Variants in SPP2 observed in about 807,000 individuals in gnomAD.
SPP2 encodes the protein secreted phosphoprotein 2.
SPP2 carries 34 observed loss-of-function variants against 28.8 expected under a neutral mutation model. The observed-to-expected ratio is 1.18, with a 90% CI of 0.90 to 1.57. The LOEUF is 1.57. Among genes scored for constraint, SPP2 ranks in the 40% most tolerant of loss-of-function variants. SPP2 has a pLI of 0.00. For missense variants in SPP2, 269 were observed against 263.9 expected, an observed-to-expected ratio of 1.02 and a Z score of -0.13; for synonymous variants, 96 against 89.4, an observed-to-expected ratio of 1.07 and a Z score of -0.42.
chr2:234,054,051 C>A (rs965588840), intron 2 of SPP2, among the ~76,000 whole-genome samples: 1 of 152,170 alleles, frequency 6.6e-6, no homozygotes, highest in Non-Finnish European at 1.5e-5. Context: ...TTGCCTGGGG[C>A]AGCAGTCAGA....
chr2:234,061,474 CAG>C (rs1328535072), intron 4 of SPP2, among the ~76,000 whole-genome samples: 2 of 152,126 alleles, frequency 1.3e-5, no homozygotes, highest in Non-Finnish European at 2.9e-5. Flanking sequence ...ATATTATTGA[CAG>C]ATATTTTTAA....
intron 4 of SPP2, among the ~76,000 whole-genome samples, chr2:234,063,579 T>G (rs1025970109): frequency 1.3e-5 from 2 of 152,254 alleles, no homozygotes; most frequent in African/African-American, 4.8e-5. Flanking sequence ...AGGTGAATTA[T>G]CGGTAGTTTT....
At chr2:234,072,350 C>A (rs1690808314) in intron 7 of SPP2, among the ~76,000 whole-genome samples, 1 of 151,996 alleles carries the variant, frequency 6.6e-6, no homozygotes, top group Non-Finnish European at 1.5e-5. Flanking sequence ...CATTATGAAG[C>A]AACAGATGCA....
chr2:234,072,048 A>ACACAGCC lies in SPP2; in HGVS notation c.*10+2028_*10+2034dup, dbSNP rs150660025. Among the ~76,000 whole-genome samples the ACACAGCC allele has an allele frequency of 7.4e-3, 1,135 of 152,354 alleles. 16 individuals carry two copies. The highest frequency in any genetic ancestry group is 0.026 in the African/African-American group (1,093 of 41,594). On this transcript the variant is annotated intron_variant, in intron 7 of 7. Transcript: ENST00000168148. ...CTGCCACTGTCCCGCAGTGCCCTGC[A>ACACAGCC]CACAGCCCAGCACACTCAATAAATA...
At chr2:234,068,565 T>C (rs1338665434) in intron 6 of SPP2, among the ~76,000 whole-genome samples, 1 of 152,302 alleles carries the variant, frequency 6.6e-6, no homozygotes, top group East Asian at 1.9e-4. Context: ...AACCTGATGC[T>C]TGATTTTTTT....
intron 4 of SPP2, among the ~76,000 whole-genome samples, chr2:234,062,892 G>C (rs1332850352): frequency 6.6e-6 from 1 of 152,148 alleles, no homozygotes; most frequent in East Asian, 1.9e-4. Context: ...CCAATTCCAA[G>C]TTTTCTAAGA....
rs138298714 is a variant in SPP2 at position 234,064,005 on chromosome 2, C to T, written c.445-2528C>T. 1.2e-3 allele frequency among the ~76,000 whole-genome samples: 188 copies of T among 152,246 alleles called. 1 individual carries two copies. Among genetic ancestry groups the T allele is most frequent in the African/African-American group, 4.3e-3 (178 of 41,546 alleles). On this transcript the variant is annotated intron_variant, in intron 4 of 7. Transcript: ENST00000168148. ...CAAAAAGAGGTAATTCCCTGGATCACATTCCCAGAAAGGAAGGAGAGAAGT... is the reference window on the plus strand; with the variant it reads ...CAAAAAGAGGTAATTCCCTGGATCATATTCCCAGAAAGGAAGGAGAGAAGT...
rs528427813 is a variant in SPP2 at position 234,069,688 on chromosome 2, A to G, written c.551-240A>G. Among the ~76,000 whole-genome samples the G allele has an allele frequency of 1.9e-3, 292 of 152,266 alleles. 2 individuals carry two copies. Among genetic ancestry groups the G allele is most frequent in the African/African-American group, 6.7e-3 (280 of 41,546 alleles). The stretch of plus-strand genomic sequence containing the variant: ...GCATCCATGGTGGCTGAGACATCAC[A>G]TGTAGTAATAAGGAGTGGGGAGAAA... On this transcript the variant is annotated intron_variant, in intron 6 of 7. Transcript: ENST00000168148.
rs1370635470 is a variant in SPP2 at position 234,077,061 on chromosome 2, A to G, written c.*227A>G. 1 of 152,090 alleles carries G rather than the reference A, an allele frequency of 6.6e-6. No homozygotes were observed. Among genetic ancestry groups the G allele is most frequent in the Non-Finnish European group, 1.5e-5 (1 of 68,028 alleles). 9.4% of individuals were successfully genotyped at this position (152,090 alleles called of 1,614,324 possible). On this transcript the variant is annotated 3_prime_UTR_variant, in exon 8 of 8. Coordinates refer to ENST00000168148, the MANE Select transcript of SPP2 (RefSeq NM_006944.3). The stretch of plus-strand genomic sequence containing the variant: ...GGAAGGAAGAAAAGTTCCAACAAAG[A>G]ATGATTTTGTGAATTCTGTGATTTT...
chr2:234,058,197 C>T (rs906336337), intron 2 of SPP2, among the ~76,000 whole-genome samples: 3 of 152,204 alleles, frequency 2.0e-5, no homozygotes, highest in Non-Finnish European at 2.9e-5. Context: ...TTTTCCATGT[C>T]AGCTGCATCA....
intron 4 of SPP2, among the ~76,000 whole-genome samples, chr2:234,062,441 TGG>T (rs1475506409): frequency 6.6e-6 from 1 of 151,976 alleles, no homozygotes; most frequent in African/African-American, 2.4e-5. Flanking sequence ...GAGAAAAACA[TGG>T]GGAGAGAGGC....
At chr2:234,060,594 G>A (rs1449752849) in intron 4 of SPP2, 115 bp downstream of exon 4, 6 of 742,794 alleles carry the variant, frequency 8.1e-6, no homozygotes, top group African/African-American at 3.6e-5. Flanking sequence ...TGGGGATGCC[G>A]AACTCTGCTG....
chr2:234,073,408 G>A (rs986971238), intron 7 of SPP2, among the ~76,000 whole-genome samples: 1 of 152,154 alleles, frequency 6.6e-6, no homozygotes, highest in African/African-American at 2.4e-5. Flanking sequence ...AATTGTGAGT[G>A]TCATTTTTCC....
At chr2:234,053,134 T>C (rs1163983192) in intron 2 of SPP2, among the ~76,000 whole-genome samples, 1 of 151,530 alleles carries the variant, frequency 6.6e-6, no homozygotes. Flanking sequence ...AAAATAGCAA[T>C]GTGAAAAAGA....
chr2:234,058,734 A>C (rs901852109), intron 2 of SPP2, 102 bp from the exon 3 acceptor site: 4 of 1,334,042 alleles, frequency 3.0e-6, no homozygotes, highest in Middle Eastern at 2.2e-4. Context: ...TTCATGGTGG[A>C]CAATTCTGTA....
chr2:234,061,206 T>C (rs563648483), intron 4 of SPP2, among the ~76,000 whole-genome samples: 32 of 152,206 alleles, frequency 2.1e-4, no homozygotes, highest in Non-Finnish European at 4.3e-4. Flanking sequence ...CTTGAAATTA[T>C]ATTATATAAG....
At chr2:234,062,788 C>T (rs1693746042) in intron 4 of SPP2, among the ~76,000 whole-genome samples, 1 of 152,162 alleles carries the variant, frequency 6.6e-6, no homozygotes, top group South Asian at 2.1e-4. Context: ...ACGCCTCTTC[C>T]ACCCTGATTT....
At chr2:234,074,356 C>T (rs1032518504) in intron 7 of SPP2, among the ~76,000 whole-genome samples, 1 of 152,074 alleles carries the variant, frequency 6.6e-6, no homozygotes, top group Admixed American at 6.5e-5. Context: ...GTGGAAGGAC[C>T]GGTCCCTAAA....
At chr2:234,064,909 C>T (rs1358582693) in intron 4 of SPP2, among the ~76,000 whole-genome samples, 1 of 152,222 alleles carries the variant, frequency 6.6e-6, no homozygotes, top group East Asian at 1.9e-4. Flanking sequence ...TGTATTGTTC[C>T]GTTTTACAGA....
Sources: gnomAD v4.1 joint callset for allele counts (sites outside exome capture counted in the v4.1 genomes callset) on GRCh38, gnomAD v4.1.1 for gene constraint, MANE v1.5 for transcripts, NCBI Gene and HGNC (gene_info 2026-07-23, HGNC 2026-07-21) for gene names.